Variants in CENPU observed in about 807,000 individuals in gnomAD.
CENPU encodes centromere protein U.
Under a neutral mutation model 56.7 loss-of-function variants are expected in CENPU, and 46 were observed. That is an observed-to-expected ratio of 0.81 (90% confidence interval 0.64 to 1.04). The LOEUF (loss-of-function observed/expected upper bound fraction) is 1.04, where lower values mean the gene tolerates loss of function less well. CENPU is among the 50% of genes least tolerant of loss of function. The pLI is 0.00. For missense variants in CENPU, 510 were observed against 490.1 expected, an observed-to-expected ratio of 1.04 and a Z score of -0.38; for synonymous variants, 166 against 163.0, an observed-to-expected ratio of 1.02 and a Z score of -0.14.
At chr4:184,697,976 GAAA>G in intron 11 of CENPU, 173 bp from the exon 12 acceptor site, 1 of 547,554 alleles carries the variant, frequency 1.8e-6, no homozygotes, top group Non-Finnish European at 3.2e-6. Context: ...TAAAATGTAG[GAAA>G]AAAAATCTCT....
At chr4:184,713,335 A>C (rs1446015815) in intron 6 of CENPU, among the ~76,000 whole-genome samples, 1 of 152,202 alleles carries the variant, frequency 6.6e-6, no homozygotes. Context: ...CGGAGGTTGC[A>C]GTGAGCTGAG....
At chr4:184,721,457 TAAA>T (rs138476894) in intron 4 of CENPU, among the ~76,000 whole-genome samples, 1 of 74,554 alleles carries the variant, frequency 1.3e-5, no homozygotes, top group Non-Finnish European at 2.3e-5. Flanking sequence ...TGGCTGATTG[TAAA>T]AAAAAAAAAA....
chr4:184,729,038 A>G lies in CENPU; in HGVS notation c.97-3T>C, dbSNP rs1761549311. 1 of 1,606,898 alleles carries G rather than the reference A, an allele frequency of 6.2e-7. No homozygotes were observed. The highest frequency in any genetic ancestry group is 8.5e-7 in the Non-Finnish European group (1 of 1,174,626). Reference sequence around the variant, plus strand: ...GGCTTGCACTTTTGACCAGCTTTCTAAAAGTGAATAAAGTTGAGTCATTGA... The same window carrying G: ...GGCTTGCACTTTTGACCAGCTTTCTGAAAGTGAATAAAGTTGAGTCATTGA... On this transcript the variant is annotated splice_polypyrimidine_tract_variant and splice_region_variant and intron_variant, in intron 2 of 12. Coordinates refer to ENST00000281453, the MANE Select transcript of CENPU (RefSeq NM_024629.4).
intron 8 of CENPU, among the ~76,000 whole-genome samples, chr4:184,708,222 CAAAAAAAAAAA>C (rs11322939): frequency 1.1e-5 from 1 of 89,816 alleles, no homozygotes; most frequent in Non-Finnish European, 2.3e-5. Context: ...GACTCCATCT[CAAAAAAAAAAA>C]AAAAAAAAAA....
At chr4:184,730,857 C>G (rs561298269) in intron 2 of CENPU, 63 bp downstream of exon 2, 1 of 1,318,046 alleles carries the variant, frequency 7.6e-7, no homozygotes, top group East Asian at 2.6e-5. Context: ...AACTGAGGTA[C>G]CCAAAAAATG....
chr4:184,719,022 G>A (rs1761186929), intron 4 of CENPU, among the ~76,000 whole-genome samples: 1 of 152,114 alleles, frequency 6.6e-6, no homozygotes, highest in South Asian at 2.1e-4. Flanking sequence ...GAGAAGAGAG[G>A]GCCGGAGAAG....
Position 184,717,203 on chromosome 4 carries a change from A to G in CENPU, c.321-7T>C. ...ATTTCCAGAAGTGTCTGAACTGTAA[A>G]AAGTACAAGCCATCAATATCTTGTA... is the stretch of plus-strand genomic sequence containing the variant. On this transcript the variant is annotated splice_region_variant and splice_polypyrimidine_tract_variant and intron_variant, in intron 4 of 12. Coordinates refer to ENST00000281453, the MANE Select transcript of CENPU (RefSeq NM_024629.4). 6.2e-7 allele frequency: 1 copy of G among 1,609,008 alleles called. No individual in the cohort carries two copies. Among genetic ancestry groups the G allele is most frequent in the Non-Finnish European group, 8.5e-7 (1 of 1,177,388 alleles).
Position 184,707,364 on chromosome 4 carries a change from C to T in CENPU, c.797+2708G>A, listed in dbSNP as rs949690469. 7.6e-5 allele frequency among the ~76,000 whole-genome samples: 11 copies of T among 145,120 alleles called. 1 individual carries two copies. The highest frequency in any genetic ancestry group is 4.2e-4 in the South Asian group (2 of 4,788). On this transcript the variant is annotated intron_variant, in intron 8 of 12. Transcript: ENST00000281453. ...CATCAATAGTGTGCCTGCTCACCCC[C>T]GCTCCCCTGCCCCCTGCAGCAACTG...
chr4:184,713,114 C>T (rs746790983), intron 6 of CENPU, 101 bp from the exon 7 acceptor site: 15 of 742,094 alleles, frequency 2.0e-5, no homozygotes, highest in Non-Finnish European at 3.1e-5. Context: ...ATTTTAGCTG[C>T]GCACAGTGGC....
At chr4:184,714,967 T>C (rs1340777240) in intron 6 of CENPU, among the ~76,000 whole-genome samples, 6 of 152,120 alleles carry the variant, frequency 3.9e-5, no homozygotes. Context: ...CAACTGACAT[T>C]TACAGAACAC....
chr4:184,730,692 C>T (rs918952598), intron 2 of CENPU, among the ~76,000 whole-genome samples: 1 of 151,896 alleles, frequency 6.6e-6, no homozygotes, highest in Admixed American at 6.6e-5. Flanking sequence ...AGTCAATTAT[C>T]TAAACGAAAA....
In CENPU at chr4:184,700,680, C is replaced by A. The variant is rs188251936; in HGVS notation, c.986+140G>T. 7 of 757,848 alleles carry A rather than the reference C, an allele frequency of 9.2e-6. No individual in the cohort carries two copies. The East Asian group carries it at 1.7e-4, about 19-fold the overall frequency. The allele number at this position is 757,848 out of a possible 1,614,324, so 46.9% of individuals were successfully genotyped here. A position where few individuals can be genotyped will look rare whatever the true frequency, so the allele number is the denominator to read the frequency against. On this transcript the variant is annotated intron_variant, in intron 11 of 12. Transcript: ENST00000281453. ...AAGGTGGGGCAACTAAGCAGCATACCCTGCCTTCACTGAGTATCGGAGCTT... is the reference window on the plus strand; with the variant it reads ...AAGGTGGGGCAACTAAGCAGCATACACTGCCTTCACTGAGTATCGGAGCTT...
intron 8 of CENPU, among the ~76,000 whole-genome samples, chr4:184,707,227 C>G (rs548254997): frequency 2.0e-5 from 3 of 151,094 alleles, no homozygotes; most frequent in Non-Finnish European, 2.9e-5. Context: ...TGTGAAAACC[C>G]TGAGGGGAAG....
chr4:184,706,345 AGTTTT>A (rs576264595), intron 8 of CENPU, among the ~76,000 whole-genome samples: 129 of 152,264 alleles, frequency 8.5e-4, no homozygotes, highest in African/African-American at 2.9e-3. Flanking sequence ...ATCTAAAGAA[AGTTTT>A]GTTTTGTTTT....
At chr4:184,720,061 A>G (rs1459103228) in intron 4 of CENPU, among the ~76,000 whole-genome samples, 1 of 152,234 alleles carries the variant, frequency 6.6e-6, no homozygotes, top group Non-Finnish European at 1.5e-5. Context: ...ATCCTGGAGA[A>G]ACAGGAGATA....
intron 11 of CENPU, among the ~76,000 whole-genome samples, chr4:184,699,763 C>G (rs1163920969): frequency 1.3e-5 from 2 of 152,062 alleles, no homozygotes; most frequent in Non-Finnish European, 2.9e-5. Context: ...CAGGTTCAAG[C>G]GATTCTCGTG....
rs1291702777 is a variant in CENPU at position 184,714,903 on chromosome 4, AAC to A, written c.618+1492_618+1493del. Among the ~76,000 whole-genome samples the A allele has an allele frequency of 7.5e-3, 1,099 of 146,198 alleles. 15 individuals carry two copies. Among genetic ancestry groups the A allele is most frequent in the African/African-American group, 0.027 (1,043 of 38,604 alleles). ...GACCATGCCCCATCACCAAAAACAAAACAGTAAGTAAGGAGACCAAATCTCTG... is the reference window on the plus strand; with the variant it reads ...GACCATGCCCCATCACCAAAAACAAAAGTAAGTAAGGAGACCAAATCTCTG... On this transcript the variant is annotated intron_variant, in intron 6 of 12. Coordinates refer to ENST00000281453, the MANE Select transcript of CENPU (RefSeq NM_024629.4).
At chr4:184,701,731 C>A (rs1760541096) in intron 10 of CENPU, among the ~76,000 whole-genome samples, 1 of 152,134 alleles carries the variant, frequency 6.6e-6, no homozygotes, top group Non-Finnish European at 1.5e-5. Context: ...TCGACATCCA[C>A]AAAAGCAATA....
intron 11 of CENPU, among the ~76,000 whole-genome samples, chr4:184,698,612 G>A (rs966654922): frequency 6.6e-6 from 1 of 152,076 alleles, no homozygotes; most frequent in Admixed American, 6.6e-5. Context: ...ACCACGCCCG[G>A]CTAAGTTTTG....
Sources: gnomAD v4.1 joint callset for allele counts (sites outside exome capture counted in the v4.1 genomes callset) on GRCh38, gnomAD v4.1.1 for gene constraint, MANE v1.5 for transcripts, NCBI Gene and HGNC (gene_info 2026-07-23, HGNC 2026-07-21) for gene names.